The following LRP5 variants were observed in gnomAD, a reference collection of about 807,000 sequenced individuals.
LRP5 encodes low-density lipoprotein receptor-related protein 5.
A neutral mutation model predicts 154.1 loss-of-function variants in LRP5; 62 were observed. The ratio of observed to expected loss-of-function variants is 0.40; its 90% CI spans 0.33 to 0.50. LRP5 has a LOEUF of 0.50. Ranked by LOEUF, LRP5 falls within the 20% of genes least tolerant of loss-of-function variation. The probability of loss-of-function intolerance (pLI) is 0.55; values close to 1 mark genes in which losing one functional copy is unlikely to be tolerated. For synonymous variants in LRP5, 966 were observed against 1,011.5 expected, an observed-to-expected ratio of 0.96 and a Z score of 0.85; for missense variants, 1,915 against 2,336.7, an observed-to-expected ratio of 0.82 and a Z score of 3.72.
chr11:68,424,348 T>C (rs113619188), intron 14 of LRP5, among the ~76,000 whole-genome samples: 2,972 of 152,266 alleles, frequency 0.02, 62 homozygotes, highest in African/African-American at 0.053. Context: ...CCTGACTCTG[T>C]CACTTACTGG....
chr11:68,354,056 C>A (rs1195246043), intron 2 of LRP5, among the ~76,000 whole-genome samples: 1 of 152,192 alleles, frequency 6.6e-6, no homozygotes, highest in Admixed American at 6.5e-5. Flanking sequence ...ACCAGCCTGA[C>A]AAGGGGCTGC....
intron 5 of LRP5, among the ~76,000 whole-genome samples, chr11:68,383,749 G>A (rs955396166): frequency 5.9e-5 from 9 of 152,212 alleles, no homozygotes; most frequent in Middle Eastern, 3.2e-3. Context: ...TGTTGGTATG[G>A]GGCGGCCATC....
At chr11:68,388,242 T>C (rs576712821) in intron 6 of LRP5, among the ~76,000 whole-genome samples, 30 of 151,838 alleles carry the variant, frequency 2.0e-4, no homozygotes, top group African/African-American at 7.3e-4. Flanking sequence ...GCCCAGGAAC[T>C]GGTTGCCAGC....
At position 68,423,938 on chromosome 11, in the gene LRP5, G is replaced by C. The variant is rs1026924268; in HGVS notation, c.3236+241G>C. Among the ~76,000 whole-genome samples, 3 of 152,248 alleles carry C rather than the reference G, an allele frequency of 2.0e-5. No individual in the cohort carries two copies. The highest frequency in any genetic ancestry group is 7.2e-5 in the African/African-American group (3 of 41,474). Reference sequence around the variant, plus strand: ...GAGAGGTTACAAGGCAGCGCTGGCCGACGGGAGTTGCAGTTGATAGGTTTT... The same window carrying C: ...GAGAGGTTACAAGGCAGCGCTGGCCCACGGGAGTTGCAGTTGATAGGTTTT... On this transcript the variant is annotated intron_variant, in intron 14 of 22. Transcript: ENST00000294304. The surrounding 1 kb of genome is among the most constrained non-coding windows in gnomAD (Gnocchi z 4.7).
chr11:68,405,033 G>A (rs187822727), intron 8 of LRP5, among the ~76,000 whole-genome samples: 99 of 151,016 alleles, frequency 6.6e-4, no homozygotes, highest in Non-Finnish European at 1.1e-3. Context: ...GGTATCACGC[G>A]CCTATAATCT....
intron 18 of LRP5, among the ~76,000 whole-genome samples, chr11:68,436,428 G>A (rs2098674959): frequency 6.6e-6 from 1 of 152,146 alleles, no homozygotes; most frequent in Non-Finnish European, 1.5e-5. Flanking sequence ...TGGGCTGCCT[G>A]CACCTCCAGT....
rs1416704066 is a variant in LRP5 at position 68,438,457 on chromosome 11, C to T, written c.4123C>T (p.Pro1375Ser). ...TTTGTCTCTGGCAGAAATCACCAAG[C>T]CGCCCTCAGACGACAGCCCGGCCCA... ...SDELMCEITKPPSDDSPAHSS... is the reference protein window; with the variant it reads ...SDELMCEITKSPSDDSPAHSS... The change falls in exon 20 of 23, where the codon CCG (proline) becomes TCG (serine). Residue 1375 changes from proline (P) to serine (S), a missense_variant. Coordinates refer to ENST00000294304, the MANE Select transcript of LRP5 (RefSeq NM_002335.4). 1 of 1,614,100 alleles carries T rather than the reference C, an allele frequency of 6.2e-7. No homozygotes were observed. The highest frequency in any genetic ancestry group is 8.5e-7 in the Non-Finnish European group (1 of 1,179,994).
At chr11:68,376,730 C>T (rs760530424) in intron 5 of LRP5, among the ~76,000 whole-genome samples, 58 of 152,242 alleles carry the variant, frequency 3.8e-4, no homozygotes, top group Non-Finnish European at 7.3e-4. Context: ...GTCCATTGAA[C>T]ACCTACTGTG....
upstream of LRP5, among the ~76,000 whole-genome samples, chr11:68,309,581 T>C (rs1342436020): frequency 3.7e-5 from 1 of 26,776 alleles, no homozygotes; most frequent in South Asian, 2.2e-3. Context: ...TTCATAATGC[T>C]TTTTTTTTTT....
At chr11:68,400,297 T>G (rs1165777084) in intron 7 of LRP5, among the ~76,000 whole-genome samples, 2 of 152,316 alleles carry the variant, frequency 1.3e-5, no homozygotes, top group South Asian at 2.1e-4. Flanking sequence ...TCCTTTTTAT[T>G]GCTCTTCAAT....
At chr11:68,349,298 G>T (rs1046494061) in intron 2 of LRP5, among the ~76,000 whole-genome samples, 1 of 152,100 alleles carries the variant, frequency 6.6e-6, no homozygotes, top group African/African-American at 2.4e-5. Context: ...CTCCCAAAGT[G>T]CTGGGATTAC....
At chr11:68,357,878 T>C (rs1234896381) in intron 3 of LRP5, 31 bp downstream of exon 3, 2 of 1,584,138 alleles carry the variant, frequency 1.3e-6, no homozygotes, top group African/African-American at 1.4e-5. Flanking sequence ...GGGGCACCCC[T>C]TTCCCCTTTG....
intron 5 of LRP5, among the ~76,000 whole-genome samples, chr11:68,379,569 A>G (rs1159274392): frequency 3.9e-5 from 6 of 152,150 alleles, no homozygotes; most frequent in African/African-American, 9.7e-5. Flanking sequence ...GAAGTTACCA[A>G]TTTCCACGTT....
chr11:68,416,208 C>T lies in LRP5; in HGVS notation c.2828-120C>T, dbSNP rs565781483. 2.3e-4 allele frequency: 188 copies of T among 827,934 alleles called. No homozygotes were observed. The African/African-American group carries it at 2.6e-3, about 11-fold the overall frequency. The allele number at this position is 827,934 out of a possible 1,614,324, so 51.3% of individuals were successfully genotyped here. Reference sequence around the variant, plus strand: ...ACAGCCCTGGTCCCCCCGTCTTTCCCGTGGACCTCCAGCGGGGCAGATGCT... The same window carrying T: ...ACAGCCCTGGTCCCCCCGTCTTTCCTGTGGACCTCCAGCGGGGCAGATGCT... On this transcript the variant is annotated intron_variant, in intron 12 of 22. Transcript: ENST00000294304.
At chr11:68,356,830 C>G (rs916712775) in intron 2 of LRP5, among the ~76,000 whole-genome samples, 7 of 152,184 alleles carry the variant, frequency 4.6e-5, no homozygotes, top group Non-Finnish European at 1.0e-4. Flanking sequence ...TTTGCTTTTT[C>G]CAGAGTGTTT....
At chr11:68,354,360 G>A (rs2098621305) in intron 2 of LRP5, among the ~76,000 whole-genome samples, 1 of 152,216 alleles carries the variant, frequency 6.6e-6, no homozygotes, top group African/African-American at 2.4e-5. Flanking sequence ...GAAACTCGGG[G>A]AAGGAATGTG....
At chr11:68,360,454 C>T (rs538884888) in intron 3 of LRP5, among the ~76,000 whole-genome samples, 14 of 152,348 alleles carry the variant, frequency 9.2e-5, no homozygotes, top group African/African-American at 3.4e-4. Flanking sequence ...CTCCCACCTG[C>T]TTCCCCGCGG....
chr11:68,437,201 C>T (rs566318234), intron 19 of LRP5, among the ~76,000 whole-genome samples: 2 of 152,278 alleles, frequency 1.3e-5, no homozygotes, highest in East Asian at 1.9e-4. Flanking sequence ...GTGGGCTCGG[C>T]GGCTACAGAG....
At chr11:68,406,155 A>G (rs1467404850) in intron 8 of LRP5, among the ~76,000 whole-genome samples, 2 of 152,230 alleles carry the variant, frequency 1.3e-5, no homozygotes, top group Non-Finnish European at 2.9e-5. Flanking sequence ...CTGGCGCCTG[A>G]CAAGGTCCAG....
Sources: gnomAD v4.1 joint callset for allele counts (sites outside exome capture counted in the v4.1 genomes callset) on GRCh38, gnomAD v4.1.1 for gene constraint, Gnocchi (gnomAD v3.1) non-coding constraint, MANE v1.5 for transcripts, NCBI Gene and HGNC (gene_info 2026-07-23, HGNC 2026-07-21) for gene names.